ENTREP2: variants seen among roughly 807,000 people sequenced by gnomAD.
ENTREP2 encodes protein ENTREP2.
chr15:29,307,439 C>G, the ENTREP2 span, among the ~76,000 whole-genome samples: 1 of 152,186 alleles, frequency 6.6e-6, no homozygotes, highest in East Asian at 1.9e-4. Context: ...GGATACAGAT[C>G]CTTCCCATTG....
the ENTREP2 span, among the ~76,000 whole-genome samples, chr15:29,429,800 G>C: frequency 6.6e-6 from 1 of 152,222 alleles, no homozygotes; most frequent in Admixed American, 6.5e-5. Flanking sequence ...TGCAATGCCC[G>C]ATCCGGGCCG....
chr15:29,432,653 T>C, the ENTREP2 span, among the ~76,000 whole-genome samples: 67,030 of 152,082 alleles, frequency 0.44, 15,490 homozygotes, highest in African/African-American at 0.58. Context: ...CAGGAGCCCA[T>C]GCCCAGGGCA....
At chr15:29,366,499 A>T in the ENTREP2 span, among the ~76,000 whole-genome samples, 1 of 151,878 alleles carries the variant, frequency 6.6e-6, no homozygotes, top group Admixed American at 6.6e-5. Flanking sequence ...AGCCTGATAA[A>T]CTCATATGGC....
At chr15:29,321,387 T>C in the ENTREP2 span, among the ~76,000 whole-genome samples, 16 of 152,092 alleles carry the variant, frequency 1.1e-4, no homozygotes, top group African/African-American at 2.2e-4. Context: ...CGGTGGCTCA[T>C]GCCTGTAATC....
the ENTREP2 span, among the ~76,000 whole-genome samples, chr15:29,163,392 C>A: frequency 6.6e-6 from 1 of 151,380 alleles, no homozygotes; most frequent in Non-Finnish European, 1.5e-5. Flanking sequence ...AGGTGAAGCT[C>A]AATGCAAGGA....
At chr15:29,558,042 G>A in the ENTREP2 span, among the ~76,000 whole-genome samples, 3 of 152,198 alleles carry the variant, frequency 2.0e-5, no homozygotes, top group Admixed American at 1.3e-4. Context: ...GCTCAGAGAG[G>A]TTAAGGAATT....
At chr15:29,223,138 G>A in the ENTREP2 span, among the ~76,000 whole-genome samples, 4 of 152,342 alleles carry the variant, frequency 2.6e-5, no homozygotes, top group East Asian at 7.7e-4. Flanking sequence ...CCAATGGACA[G>A]TGACTTTTAA....
the ENTREP2 span, among the ~76,000 whole-genome samples, chr15:29,349,925 ATAAT>A: frequency 2.0e-3 from 310 of 152,134 alleles, no homozygotes; most frequent in African/African-American, 7.0e-3. Flanking sequence ...AATAAAAATA[ATAAT>A]TAATTGATTA....
chr15:29,647,708 C>G, the ENTREP2 span, among the ~76,000 whole-genome samples: 1 of 152,112 alleles, frequency 6.6e-6, no homozygotes, highest in Non-Finnish European at 1.5e-5. Flanking sequence ...CAAAAGGGTA[C>G]AATTTCATTC....
At chr15:29,597,584 A>C in the ENTREP2 span, among the ~76,000 whole-genome samples, 1 of 145,196 alleles carries the variant, frequency 6.9e-6, no homozygotes, top group Admixed American at 6.9e-5. Context: ...AAAAAAAAAG[A>C]TTCATCCATA....
At chr15:29,640,767 C>G in the ENTREP2 span, among the ~76,000 whole-genome samples, 1,713 of 152,308 alleles carry the variant, frequency 0.011, 38 homozygotes, top group African/African-American at 0.039. Flanking sequence ...AAGAATTATA[C>G]TGATCTTTCA....
the ENTREP2 span, among the ~76,000 whole-genome samples, chr15:29,264,326 A>G: frequency 6.6e-6 from 1 of 152,072 alleles, no homozygotes; most frequent in Non-Finnish European, 1.5e-5. Flanking sequence ...TTAGATAATA[A>G]GTTAATGATA....
the ENTREP2 span, among the ~76,000 whole-genome samples, chr15:29,522,471 A>C: frequency 2.0e-5 from 3 of 152,238 alleles, no homozygotes; most frequent in African/African-American, 7.2e-5. Context: ...ACTGGCAGAA[A>C]GTGTCAGAAT....
chr15:29,650,353 G>A, the ENTREP2 span, among the ~76,000 whole-genome samples: 12 of 152,256 alleles, frequency 7.9e-5, no homozygotes, highest in South Asian at 4.2e-4. Context: ...AACACTTTGG[G>A]AGGCTGAGGT....
the ENTREP2 span, among the ~76,000 whole-genome samples, chr15:29,540,751 C>A: frequency 6.6e-6 from 1 of 152,332 alleles, no homozygotes. Context: ...GTAACACTAC[C>A]AACGGCACAT....
the ENTREP2 span, among the ~76,000 whole-genome samples, chr15:29,158,543 T>C: frequency 1.3e-5 from 2 of 152,010 alleles, no homozygotes; most frequent in African/African-American, 4.8e-5. Context: ...GTATCTGGAC[T>C]ACAGGAGCAC....
the ENTREP2 span, among the ~76,000 whole-genome samples, chr15:29,229,603 A>C: frequency 6.6e-5 from 10 of 152,106 alleles, no homozygotes; most frequent in African/African-American, 2.2e-4. Context: ...GATTTCCCAG[A>C]CCTTTTGGGA....
chr15:29,285,873 A>G, the ENTREP2 span, among the ~76,000 whole-genome samples: 1 of 152,200 alleles, frequency 6.6e-6, no homozygotes, highest in Non-Finnish European at 1.5e-5. Context: ...CAGTCAAGGA[A>G]ATAAGGTTGG....
At chr15:29,556,875 A>G in the ENTREP2 span, among the ~76,000 whole-genome samples, 1 of 151,338 alleles carries the variant, frequency 6.6e-6, no homozygotes, top group Non-Finnish European at 1.5e-5. Flanking sequence ...GCACAATGTG[A>G]CTGGGTGCAG....
Sources: allele counts gnomAD v4.1 joint callset (sites outside exome capture counted in the v4.1 genomes callset), GRCh38; gene constraint gnomAD v4.1.1; transcripts MANE v1.5; gene names NCBI Gene and HGNC (gene_info 2026-07-23, HGNC 2026-07-21).